CHRM3: variants seen among roughly 807,000 people sequenced by gnomAD.
The protein encoded by CHRM3 is muscarinic acetylcholine receptor M3.
Under a neutral mutation model 41.8 loss-of-function variants are expected in CHRM3, and 11 were observed. The ratio of observed to expected loss-of-function variants is 0.26; its 90% CI spans 0.17 to 0.44. The LOEUF is 0.44. Ranked by LOEUF, CHRM3 falls within the 20% of genes least tolerant of loss-of-function variation. The probability of loss-of-function intolerance (pLI) is 1.00; values close to 1 mark genes in which losing one functional copy is unlikely to be tolerated. For missense variants in CHRM3, 571 were observed against 745.4 expected, an observed-to-expected ratio of 0.77 and a Z score of 2.72; for synonymous variants, 297 against 301.4, an observed-to-expected ratio of 0.99 and a Z score of 0.15.
chr1:239,406,019 G>A (rs754145115), intron 1 of CHRM3, among the ~76,000 whole-genome samples: 2 of 152,128 alleles, frequency 1.3e-5, no homozygotes, highest in Non-Finnish European at 2.9e-5. Flanking sequence ...AGCCTCCCGA[G>A]TAGCTGGGAC....
chr1:239,718,049 C>T (rs972147837), intron 5 of CHRM3, among the ~76,000 whole-genome samples: 1 of 151,962 alleles, frequency 6.6e-6, no homozygotes, highest in East Asian at 1.9e-4. Flanking sequence ...CCAGAATCCT[C>T]ATGTTACCGT....
intron 5 of CHRM3, among the ~76,000 whole-genome samples, chr1:239,729,282 T>G (rs1035954714): frequency 6.6e-6 from 1 of 151,826 alleles, no homozygotes; most frequent in Non-Finnish European, 1.5e-5. Flanking sequence ...GTGTGCACAG[T>G]GTGATGTACA....
chr1:239,533,398 T>G (rs1020455261), intron 2 of CHRM3, among the ~76,000 whole-genome samples: 1 of 152,016 alleles, frequency 6.6e-6, no homozygotes, highest in African/African-American at 2.4e-5. Context: ...AAAGGCACCT[T>G]CTTCACAGGG....
chr1:239,907,430 C>T lies in CHRM3; in HGVS notation c.-19-3C>T. On this transcript the variant is annotated splice_region_variant and splice_polypyrimidine_tract_variant and intron_variant, in intron 6 of 6. Transcript: ENST00000676153. This position sits in a 1 kb window ranked among gnomAD's most constrained non-coding sequence, Gnocchi z 5.4. Reference sequence around the variant, plus strand: ...AACTCTGTCTCTTCTCTCTTTCCCCCAGACTATGTCAGAGAGTCACAATGA... The same window carrying T: ...AACTCTGTCTCTTCTCTCTTTCCCCTAGACTATGTCAGAGAGTCACAATGA... 1 of 1,593,186 alleles carries T rather than the reference C, an allele frequency of 6.3e-7. No homozygotes were observed. The highest frequency in any genetic ancestry group is 1.1e-5 in the South Asian group (1 of 88,852).
intron 4 of CHRM3, among the ~76,000 whole-genome samples, chr1:239,635,880 TA>T (rs999041982): frequency 7.9e-5 from 12 of 152,164 alleles, no homozygotes; most frequent in African/African-American, 2.7e-4. Context: ...TGCCCTACGT[TA>T]AATATCTTAA....
At chr1:239,632,014 C>T (rs1010273514) in intron 3 of CHRM3, among the ~76,000 whole-genome samples, 8 of 152,154 alleles carry the variant, frequency 5.3e-5, no homozygotes, top group Admixed American at 2.0e-4. Flanking sequence ...TTTCCAGTGA[C>T]GGGTACCTTA....
At chr1:239,622,479 A>G (rs55873858) in intron 3 of CHRM3, among the ~76,000 whole-genome samples, 35,954 of 152,148 alleles carry the variant, frequency 0.24, 4,538 homozygotes, top group South Asian at 0.26. Context: ...AGGTAAAAAT[A>G]TCAACACTAA....
intron 2 of CHRM3, among the ~76,000 whole-genome samples, chr1:239,537,097 C>T (rs1262873940): frequency 6.6e-6 from 1 of 151,848 alleles, no homozygotes; most frequent in Non-Finnish European, 1.5e-5. Flanking sequence ...TCTGCAGTTT[C>T]TTAAAAAAAA....
At chr1:239,489,066 T>G (rs964556933) in intron 1 of CHRM3, among the ~76,000 whole-genome samples, 8 of 152,332 alleles carry the variant, frequency 5.3e-5, no homozygotes, top group African/African-American at 1.7e-4. Flanking sequence ...TCCTCGATCT[T>G]CTGCAGCTAG....
intron 5 of CHRM3, among the ~76,000 whole-genome samples, chr1:239,685,926 C>T (rs565397693): frequency 7.9e-5 from 12 of 152,166 alleles, no homozygotes; most frequent in African/African-American, 2.7e-4. Flanking sequence ...GCCTTCTCAT[C>T]TCAACTGAAT....
intron 5 of CHRM3, among the ~76,000 whole-genome samples, chr1:239,747,459 G>A (rs760967172): frequency 5.3e-4 from 80 of 152,292 alleles, no homozygotes; most frequent in South Asian, 6.2e-4. Flanking sequence ...AGGTTTGCAT[G>A]TTGTAAAAGC....
At chr1:239,487,733 TC>T (rs1038530651) in intron 1 of CHRM3, among the ~76,000 whole-genome samples, 11 of 152,010 alleles carry the variant, frequency 7.2e-5, no homozygotes, top group African/African-American at 2.7e-4. Context: ...ATCATTTTTT[TC>T]AATCATATCA....
chr1:239,651,322 T>C (rs1672219756), intron 4 of CHRM3, among the ~76,000 whole-genome samples: 1 of 152,170 alleles, frequency 6.6e-6, no homozygotes, highest in Admixed American at 6.5e-5. Flanking sequence ...TAGGTGGAGA[T>C]AGGATTGTGT....
intron 1 of CHRM3, among the ~76,000 whole-genome samples, chr1:239,392,979 G>C (rs756211807): frequency 1.3e-5 from 2 of 152,092 alleles, no homozygotes; most frequent in African/African-American, 4.8e-5. Flanking sequence ...CTAATCCAGT[G>C]GTATTTTGTA....
In CHRM3 at chr1:239,914,859, C is replaced by T. The variant is rs549501325; in HGVS notation, c.*5635C>T. 6.0e-6 allele frequency: 1 copy of T among 166,922 alleles called. No individual in the cohort carries two copies. The highest frequency in any genetic ancestry group is 2.4e-5 in the African/African-American group (1 of 41,452). 10.3% of individuals were successfully genotyped at this position (166,922 alleles called of 1,614,324 possible). A position where few individuals can be genotyped will look rare whatever the true frequency, so the allele number is the denominator to read the frequency against. On this transcript the variant is annotated 3_prime_UTR_variant, in exon 7 of 7. Transcript: ENST00000676153. Reference sequence around the variant, plus strand: ...TTCTGCAAGCAATCAAACACATGATCTCCCTTCTAGCCATTCCTCATCCAG... The same window carrying T: ...TTCTGCAAGCAATCAAACACATGATTTCCCTTCTAGCCATTCCTCATCCAG...
At position 239,847,402 on chromosome 1, in the gene CHRM3, A is replaced by G. The variant is rs193066779; in HGVS notation, c.-20+20024A>G. Among the ~76,000 whole-genome samples the G allele has an allele frequency of 2.0e-5, 3 of 152,348 alleles. No individual in the cohort carries two copies. In the East Asian group the frequency reaches 5.8e-4, roughly 29 times the overall value. ...CTAAAATAGATCTTCAAAATAATAC[A>G]TAAACATTTATATTTGATGTCGATA... On this transcript the variant is annotated intron_variant, in intron 6 of 6. Transcript: ENST00000676153.
intron 2 of CHRM3, among the ~76,000 whole-genome samples, chr1:239,511,333 G>A (rs536362064): frequency 7.9e-5 from 12 of 152,262 alleles, no homozygotes; most frequent in African/African-American, 2.4e-4. Flanking sequence ...TCTTGTAGTT[G>A]TCATCTTGTA....
chr1:239,779,667 G>A (rs1668367454), intron 5 of CHRM3, among the ~76,000 whole-genome samples: 3 of 152,206 alleles, frequency 2.0e-5, no homozygotes, highest in Admixed American at 1.3e-4. Flanking sequence ...CCTGGGAGGT[G>A]AAGGTTGCAG....
chr1:239,810,808 G>A (rs896582550), intron 5 of CHRM3, among the ~76,000 whole-genome samples: 2 of 152,232 alleles, frequency 1.3e-5, no homozygotes, highest in Non-Finnish European at 2.9e-5. Flanking sequence ...GCCAAGAGCA[G>A]TAGTTGTCCT....
Sources: allele counts gnomAD v4.1 joint callset (sites outside exome capture counted in the v4.1 genomes callset), GRCh38; gene constraint gnomAD v4.1.1; non-coding constraint Gnocchi (gnomAD v3.1); transcripts MANE v1.5; gene names NCBI Gene and HGNC (gene_info 2026-07-23, HGNC 2026-07-21).